Variants in FGF13 observed in about 807,000 individuals in gnomAD.
FGF13 encodes fibroblast growth factor homologous factor 2.
A neutral mutation model predicts 19.5 loss-of-function variants in FGF13; 2 were observed. The observed-to-expected ratio is 0.10, with a 90% CI of 0.04 to 0.32. FGF13 has a LOEUF of 0.32. Ranked by LOEUF, FGF13 falls within the 10% of genes least tolerant of loss-of-function variation. The probability of loss-of-function intolerance (pLI) is 1.00; values close to 1 mark genes in which losing one functional copy is unlikely to be tolerated. For synonymous variants in FGF13, 72 were observed against 76.9 expected (o/e 0.94, Z 0.33); for missense variants, 113 against 192.7 (o/e 0.59, Z 2.45).
At chrX:138,750,095 C>T (rs1476164540) in intron 3 of FGF13, among the ~76,000 whole-genome samples, 1 of 111,585 alleles carries the variant, frequency 9.0e-6, no homozygotes, top group Non-Finnish European at 1.9e-5. Flanking sequence ...TGTGGATATA[C>T]AATCTACAGA....
rs2089132694 is a variant in FGF13 at position 138,632,695 on chromosome X, AGAAGGTCTAATGGCAGATAGAATAGT to A, written c.*129_*154del. The stretch of plus-strand genomic sequence containing the variant: ...TAATGGGGCTTTAGTATGGATGATA[AGAAGGTCTAATGGCAGATAGAATAGT>A]GAACTCTGCCTGTTTGTTTGGTAAA... On this transcript the variant is annotated 3_prime_UTR_variant, in exon 5 of 5. Coordinates refer to ENST00000315930, the MANE Select transcript of FGF13 (RefSeq NM_004114.5). 2 of 525,686 alleles carry A rather than the reference AGAAGGTCTAATGGCAGATAGAATAGT, an allele frequency of 3.8e-6. No homozygotes were observed. Among genetic ancestry groups the A allele is most frequent in the Non-Finnish European group, 6.1e-6 (2 of 329,841 alleles). The allele number at this position is 525,686 out of a possible 1,213,427, so 43.3% of individuals were successfully genotyped here. A position where few individuals can be genotyped will look rare whatever the true frequency, so the allele number is the denominator to read the frequency against.
intron 1 of FGF13, among the ~76,000 whole-genome samples, chrX:138,969,457 G>A (rs1415668435): frequency 9.0e-6 from 1 of 111,520 alleles, no homozygotes; most frequent in Non-Finnish European, 1.9e-5. Context: ...ACAAAAATTT[G>A]GAATACACAG....
intron 1 of FGF13, among the ~76,000 whole-genome samples, chrX:139,087,034 C>A (rs1002706277): frequency 8.9e-6 from 1 of 112,887 alleles, no homozygotes; most frequent in African/African-American, 3.2e-5. Context: ...CAGTGGCTCA[C>A]GCCTGTAATC....
At chrX:138,660,896 A>C (rs2089484271) in intron 3 of FGF13, among the ~76,000 whole-genome samples, 1 of 111,768 alleles carries the variant, frequency 8.9e-6, no homozygotes, top group Non-Finnish European at 1.9e-5. Flanking sequence ...AATTACACAG[A>C]TAATACACAC....
chrX:139,114,645 A>G (rs2083626701), intron 1 of FGF13, among the ~76,000 whole-genome samples: 1 of 112,235 alleles, frequency 8.9e-6, no homozygotes, highest in Non-Finnish European at 1.9e-5. Context: ...TGAGAGTTCA[A>G]TAAGGACATC....
At chrX:139,197,082 A>G (rs2084378004) in intron 1 of FGF13, among the ~76,000 whole-genome samples, 1 of 112,262 alleles carries the variant, frequency 8.9e-6, no homozygotes, top group South Asian at 3.7e-4. Flanking sequence ...TCTCTATCAC[A>G]GTGCCTTCTG....
upstream of FGF13, among the ~76,000 whole-genome samples, chrX:138,741,764 G>T (rs1484469680): frequency 8.9e-6 from 1 of 112,036 alleles, no homozygotes; most frequent in Non-Finnish European, 1.9e-5. Flanking sequence ...ACAAATGGAA[G>T]GATTTTAAGC....
At chrX:138,789,952 G>A (rs1386964858) in intron 3 of FGF13, among the ~76,000 whole-genome samples, 1 of 100,073 alleles carries the variant, frequency 1.0e-5, no homozygotes, top group East Asian at 3.3e-4. Flanking sequence ...GGCTGAGGCA[G>A]AAGAATGGCG....
At chrX:138,907,778 G>T (rs995876928) in intron 1 of FGF13, among the ~76,000 whole-genome samples, 1 of 111,454 alleles carries the variant, frequency 9.0e-6, no homozygotes, top group African/African-American at 3.3e-5. Flanking sequence ...TACACATGGG[G>T]TTTCACTGGC....
chrX:138,639,906 T>A (rs2089230549), intron 3 of FGF13, among the ~76,000 whole-genome samples: 1 of 109,866 alleles, frequency 9.1e-6, no homozygotes, highest in South Asian at 4.0e-4. Flanking sequence ...GGCAGGAGAA[T>A]CACTTGAACC....
At chrX:138,984,822 G>GTGTGTGTGTT (rs1556322536) in intron 1 of FGF13, among the ~76,000 whole-genome samples, 1 of 108,201 alleles carries the variant, frequency 9.2e-6, no homozygotes, top group Non-Finnish European at 1.9e-5. Context: ...TTCTGTGTGT[G>GTGTGTGTGTT]TGTGTGTGTG....
intron 3 of FGF13, among the ~76,000 whole-genome samples, chrX:138,643,134 A>C (rs1266783793): frequency 8.9e-6 from 1 of 112,017 alleles, no homozygotes; most frequent in Non-Finnish European, 1.9e-5. Context: ...CTGTCAACCA[A>C]TGGACTGCTG....
At chrX:139,137,518 G>A (rs1391714235) in intron 1 of FGF13, among the ~76,000 whole-genome samples, 1 of 111,787 alleles carries the variant, frequency 8.9e-6, no homozygotes, top group Non-Finnish European at 1.9e-5. Flanking sequence ...ACTCAGGCAT[G>A]TACCAGATGT....
chrX:139,002,933 T>A (rs1412060034), intron 1 of FGF13, among the ~76,000 whole-genome samples: 1 of 111,953 alleles, frequency 8.9e-6, no homozygotes, highest in Non-Finnish European at 1.9e-5. Flanking sequence ...TGACTTCAGG[T>A]AATATACAGC....
At position 138,812,865 on chromosome X, in the gene FGF13, C is replaced by A. The variant is rs187411770; in HGVS notation, c.217+44647G>T. Among the ~76,000 whole-genome samples the A allele has an allele frequency of 6.7e-4, 74 of 110,585 alleles. 1 individual carries two copies. The East Asian group carries it at 0.01, about 15-fold the overall frequency. ...CCCTCCCCTCAACCCCACCCTGTAA[C>A]AGGCCCTGGCGTGTATTGTTCCCCT... On this transcript the variant is annotated intron_variant, in intron 3 of 6. Transcript: ENST00000436198.
intron 3 of FGF13, among the ~76,000 whole-genome samples, chrX:138,791,686 C>T (rs2090743730): frequency 8.9e-6 from 1 of 111,883 alleles, no homozygotes; most frequent in Non-Finnish European, 1.9e-5. Context: ...CTGTACAAAG[C>T]AAGATATTTA....
At chrX:139,003,287 C>CG (rs777498721) in intron 1 of FGF13, among the ~76,000 whole-genome samples, 7 of 110,135 alleles carry the variant, frequency 6.4e-5, no homozygotes, top group Admixed American at 4.8e-4. Context: ...TCGTTCCTCC[C>CG]GGTGGGCTTG....
chrX:139,039,938 C>T (rs1414570202), intron 1 of FGF13, among the ~76,000 whole-genome samples: 1 of 111,528 alleles, frequency 9.0e-6, no homozygotes, highest in Non-Finnish European at 1.9e-5. Flanking sequence ...GATGGGAAAA[C>T]GTTTTGAAAA....
At chrX:139,076,512 T>G (rs1178862622) in intron 1 of FGF13, among the ~76,000 whole-genome samples, 1 of 112,185 alleles carries the variant, frequency 8.9e-6, no homozygotes, top group African/African-American at 3.2e-5. Flanking sequence ...AGAGATTAAT[T>G]TGCTTTAAAG....
Sources: allele counts gnomAD v4.1 joint callset (sites outside exome capture counted in the v4.1 genomes callset), GRCh38; gene constraint gnomAD v4.1.1; transcripts MANE v1.5; gene names NCBI Gene and HGNC (gene_info 2026-07-23, HGNC 2026-07-21).